The following GNB1 variants were observed in gnomAD, a reference collection of about 807,000 sequenced individuals.
The protein encoded by GNB1 is guanine nucleotide-binding protein G(I)/G(S)/G(T) subunit beta-1.
A neutral mutation model predicts 42.9 loss-of-function variants in GNB1; 2 were observed. The ratio of observed to expected loss-of-function variants is 0.05; its 90% CI spans 0.02 to 0.15. GNB1 has a LOEUF of 0.15. GNB1 is among the 10% of genes least tolerant of loss of function. The probability of loss-of-function intolerance (pLI) is 1.00; values close to 1 mark genes in which losing one functional copy is unlikely to be tolerated. For missense variants in GNB1, 193 were observed against 462.2 expected (o/e 0.42, Z 5.34); for synonymous variants, 183 against 174.7 (o/e 1.05, Z -0.38).
At chr1:1,806,890 C>T (rs1462183339) in intron 5 of GNB1, among the ~76,000 whole-genome samples, 1 of 152,138 alleles carries the variant, frequency 6.6e-6, no homozygotes, top group Non-Finnish European at 1.5e-5. Flanking sequence ...AGAAGAATCG[C>T]TTGAACCTAG....
At chr1:1,840,933 C>A (rs1217115356) in intron 1 of GNB1, among the ~76,000 whole-genome samples, 1 of 152,166 alleles carries the variant, frequency 6.6e-6, no homozygotes, top group Non-Finnish European at 1.5e-5. Context: ...CGCTCTGTCA[C>A]CAGGCTGGAG....
chr1:1,803,644 A>C (rs1646655505), intron 7 of GNB1, among the ~76,000 whole-genome samples: 1 of 152,148 alleles, frequency 6.6e-6, no homozygotes, highest in South Asian at 2.1e-4. Flanking sequence ...CATTTTCAGA[A>C]AACTTCTGGC....
In GNB1 at chr1:1,793,250, G is replaced by A; in HGVS notation, c.492C>T (p.Thr164=). The change falls in exon 8 of 12, where the codon ACC becomes ACT. Residue 164 remains threonine, a synonymous_variant. Coordinates refer to ENST00000378609, the MANE Select transcript of GNB1 (RefSeq NM_002074.5). Reference sequence around the variant, plus strand: ...GCCCCGGGTCAGGTACTTACCACGTGGTGTCTCCAGAGCTGGTGACGATCT... The same window carrying A: ...GCCCCGGGTCAGGTACTTACCACGTAGTGTCTCCAGAGCTGGTGACGATCT... ...DNQIVTSSGD[T]TCALWDIETG... is the part of the protein sequence containing the mutation. The A allele has an allele frequency of 6.2e-7, 1 of 1,610,296 alleles. No homozygotes were observed. Among genetic ancestry groups the A allele is most frequent in the Non-Finnish European group, 8.5e-7 (1 of 1,177,068 alleles).
intron 1 of GNB1, among the ~76,000 whole-genome samples, chr1:1,874,419 G>T (rs147105313): frequency 3.3e-5 from 5 of 151,676 alleles, no homozygotes; most frequent in South Asian, 2.1e-4. Flanking sequence ...GACCAGCCTG[G>T]GCAACACGGT....
intron 7 of GNB1, among the ~76,000 whole-genome samples, chr1:1,803,706 G>A (rs536197169): frequency 5.3e-5 from 8 of 152,246 alleles, no homozygotes; most frequent in Admixed American, 2.0e-4. Flanking sequence ...TCATAAGGCC[G>A]GGCGCAGCGG....
chr1:1,787,482 C>T lies in GNB1; in HGVS notation c.917-45G>A, dbSNP rs768371713. On this transcript the variant is annotated intron_variant, in intron 10 of 11. Coordinates refer to ENST00000378609, the MANE Select transcript of GNB1 (RefSeq NM_002074.5). This position sits in a 1 kb window ranked among gnomAD's most constrained non-coding sequence, Gnocchi z 4.4. ...GAATCACACCAAAGCCCAGAGGCAT[C>T]GATCTCACCTGTGTGCCATGTTGTG... is the stretch of plus-strand genomic sequence containing the variant. The T allele has an allele frequency of 2.7e-5, 31 of 1,147,324 alleles. No homozygotes were observed. Among genetic ancestry groups the T allele is most frequent in the Non-Finnish European group, 2.0e-5 (15 of 758,870 alleles). 71.1% of individuals were successfully genotyped at this position (1,147,324 alleles called of 1,614,324 possible). A position where few individuals can be genotyped will look rare whatever the true frequency, so the allele number is the denominator to read the frequency against.
intron 2 of GNB1, among the ~76,000 whole-genome samples, chr1:1,830,418 C>T (rs1008797778): frequency 3.3e-5 from 5 of 152,060 alleles, no homozygotes; most frequent in East Asian, 1.9e-4. Flanking sequence ...CCCGCCACCA[C>T]GCCCAGCTAA....
At chr1:1,808,810 A>AT (rs1646737311) in intron 5 of GNB1, among the ~76,000 whole-genome samples, 1 of 151,902 alleles carries the variant, frequency 6.6e-6, no homozygotes. Flanking sequence ...CACCTGGCTA[A>AT]TTTTTGTATT....
chr1:1,800,753 T>TAA (rs943269814), intron 7 of GNB1, among the ~76,000 whole-genome samples: 43 of 115,304 alleles, frequency 3.7e-4, no homozygotes, highest in African/African-American at 9.2e-4. Context: ...TTTAGATTGT[T>TAA]AAAAAAAAAA....
intron 3 of GNB1, chr1:1,818,113 A>C: frequency 2.6e-6 from 1 of 391,016 alleles, no homozygotes; most frequent in South Asian, 2.5e-5. Flanking sequence ...GACCTGCAGC[A>C]CAATATTCCT....
At chr1:1,791,703 AT>A (rs2100522120) in intron 8 of GNB1, among the ~76,000 whole-genome samples, 1 of 152,296 alleles carries the variant, frequency 6.6e-6, no homozygotes, top group East Asian at 1.9e-4. Context: ...GGCAATGCAA[AT>A]CCAATCAGCC....
At chr1:1,841,892 C>T (rs1263625401) in intron 1 of GNB1, among the ~76,000 whole-genome samples, 2 of 152,212 alleles carry the variant, frequency 1.3e-5, no homozygotes, top group African/African-American at 4.8e-5. Context: ...AATGCATGTA[C>T]ACATTATGTT....
chr1:1,832,040 G>A (rs1647082814), intron 2 of GNB1, among the ~76,000 whole-genome samples: 1 of 140,678 alleles, frequency 7.1e-6, no homozygotes, highest in African/African-American at 2.7e-5. Flanking sequence ...TCTAGCCTGA[G>A]CACATGGAGT....
chr1:1,839,883 G>C (rs890534021), intron 1 of GNB1, among the ~76,000 whole-genome samples: 1 of 151,846 alleles, frequency 6.6e-6, no homozygotes, highest in South Asian at 2.1e-4. Flanking sequence ...GTCTGGGCGC[G>C]GTGGCTCACA....
intron 1 of GNB1, among the ~76,000 whole-genome samples, chr1:1,842,347 A>G (rs762898962): frequency 5.3e-5 from 8 of 151,872 alleles, no homozygotes; most frequent in African/African-American, 9.7e-5. Context: ...GGAGAATGCC[A>G]TGAACCCAGG....
intron 1 of GNB1, among the ~76,000 whole-genome samples, chr1:1,859,761 C>A (rs1648516020): frequency 6.6e-6 from 1 of 151,328 alleles, no homozygotes; most frequent in African/African-American, 2.4e-5. Flanking sequence ...GTAATCCCAG[C>A]ACTTTGGGAG....
At chr1:1,889,638 T>TG (rs1650358020) in intron 1 of GNB1, among the ~76,000 whole-genome samples, 4 of 149,304 alleles carry the variant, frequency 2.7e-5, no homozygotes, top group East Asian at 2.0e-4. Flanking sequence ...AGGATCTCTT[T>TG]TACAAAGAGA....
At chr1:1,870,249 T>G (rs1334393754) in intron 1 of GNB1, among the ~76,000 whole-genome samples, 1 of 152,202 alleles carries the variant, frequency 6.6e-6, no homozygotes, top group African/African-American at 2.4e-5. Flanking sequence ...TGGAGTACAG[T>G]GGCATATCAT....
chr1:1,808,934 G>A (rs944926261), intron 5 of GNB1, among the ~76,000 whole-genome samples: 1 of 152,144 alleles, frequency 6.6e-6, no homozygotes, highest in African/African-American at 2.4e-5. Context: ...ATAAGCCACA[G>A]CGCCTCAAAA....
Sources: allele counts gnomAD v4.1 joint callset (sites outside exome capture counted in the v4.1 genomes callset), GRCh38; gene constraint gnomAD v4.1.1; non-coding constraint Gnocchi (gnomAD v3.1); transcripts MANE v1.5; gene names NCBI Gene and HGNC (gene_info 2026-07-23, HGNC 2026-07-21).